ZNF878: variants seen among roughly 807,000 people sequenced by gnomAD.
ZNF878 encodes the protein zinc finger protein 878.
In ZNF878, 10 loss-of-function variants were observed where a neutral mutation model predicts 11.1. That is an observed-to-expected ratio of 0.90 (90% confidence interval 0.56 to 1.53). The LOEUF (loss-of-function observed/expected upper bound fraction) is 1.53. Ranked by LOEUF, ZNF878 falls within the 40% of genes most tolerant of loss-of-function variation. The pLI, the probability that ZNF878 is intolerant of heterozygous loss-of-function variation, is 0.00. For missense variants in ZNF878, 548 were observed against 626.1 expected, an observed-to-expected ratio of 0.88 and a Z score of 1.33; for synonymous variants, 165 against 209.7, an observed-to-expected ratio of 0.79 and a Z score of 1.84.
At chr19:12,051,863 C>A (rs1975555154) in intron 1 of ZNF878, among the ~76,000 whole-genome samples, 1 of 152,138 alleles carries the variant, frequency 6.6e-6, no homozygotes, top group Non-Finnish European at 1.5e-5. Context: ...GCCGAGATGG[C>A]GCCACAGCAC....
At chr19:12,051,006 C>T (rs1021908022) in intron 1 of ZNF878, among the ~76,000 whole-genome samples, 6 of 142,524 alleles carry the variant, frequency 4.2e-5, no homozygotes, top group Non-Finnish European at 9.0e-5. Flanking sequence ...TGAGGCAGGA[C>T]AATGGCGTGA....
chr19:12,046,774 C>T lies in ZNF878; in HGVS notation c.4-14G>A. The stretch of plus-strand genomic sequence containing the variant: ...GGCCACCGAATCCTGAAATATCCCA[C>T]ATGTGGACAGGAGGATGAGTGAGGC... On this transcript the variant is annotated splice_polypyrimidine_tract_variant and intron_variant, in intron 1 of 3. Coordinates refer to ENST00000547628, the MANE Select transcript of ZNF878 (RefSeq NM_001080404.3). 1 of 1,613,620 alleles carries T rather than the reference C, an allele frequency of 6.2e-7. No individual in the cohort carries two copies. The highest frequency in any genetic ancestry group is 8.5e-7 in the Non-Finnish European group (1 of 1,179,742).
intron 1 of ZNF878, among the ~76,000 whole-genome samples, chr19:12,050,203 C>T (rs1002763096): frequency 4.6e-5 from 7 of 151,938 alleles, no homozygotes; most frequent in East Asian, 3.9e-4. Flanking sequence ...CCAGCCTGGG[C>T]GACAGAAAGA....
At chr19:12,048,214 T>G (rs973274631) in intron 1 of ZNF878, among the ~76,000 whole-genome samples, 3 of 152,120 alleles carry the variant, frequency 2.0e-5, no homozygotes, top group Non-Finnish European at 2.9e-5. Flanking sequence ...TACTTTGTGA[T>G]AAAAGAAAAT....
At chr19:12,045,342 A>G (rs917092401) in intron 3 of ZNF878, 133 bp from the exon 4 acceptor site, 2 of 783,340 alleles carry the variant, frequency 2.6e-6, no homozygotes, top group African/African-American at 3.5e-5. Flanking sequence ...AATGGAACAC[A>G]TGCTATACAA....
At position 12,044,685 on chromosome 19, in the gene ZNF878, G is replaced by A. The variant is rs747991787; in HGVS notation, c.716C>T (p.Pro239Leu). 6.2e-7 allele frequency: 1 copy of A among 1,613,812 alleles called. No homozygotes were observed. Among genetic ancestry groups the A allele is most frequent in the Non-Finnish European group, 8.5e-7 (1 of 1,179,962 alleles). The change falls in exon 4 of 4, where the codon CCC (proline) becomes CTC (leucine). Residue 239 changes from proline to leucine, a missense_variant. Coordinates refer to ENST00000547628, the MANE Select transcript of ZNF878 (RefSeq NM_001080404.3). ...CNICGKAFFS[P>L]SSLKRHEKSH... ...TTTCTCGTGTCTTTTTAACGAACTG[G>A]GAGAAAAAAAGGCTTTCCCACATAT...
At chr19:12,043,770 AG>A (rs780368964), downstream of ZNF878, 39 of 1,532,234 alleles carry the variant, frequency 2.5e-5, no homozygotes, top group Non-Finnish European at 3.3e-5. Context: ...GTCCCATCTA[AG>A]GACTTTACCA....
intron 1 of ZNF878, among the ~76,000 whole-genome samples, chr19:12,048,735 G>A (rs531647091): frequency 7.3e-5 from 11 of 149,954 alleles, no homozygotes; most frequent in African/African-American, 1.5e-4. Flanking sequence ...TTGGGGGGCC[G>A]AGGCAGCAGA....
intron 1 of ZNF878, among the ~76,000 whole-genome samples, chr19:12,051,638 G>A (rs1368784954): frequency 6.6e-6 from 1 of 152,116 alleles, no homozygotes; most frequent in Non-Finnish European, 1.5e-5. Context: ...CGGGCGCAGT[G>A]GCTCACGCCT....
rs368980397 is a variant in ZNF878, at chr19:12,044,666, G to A, written c.735C>T (p.His245=). The part of the protein sequence containing the change: ...AFFSPSSLKR[H]EKSHTGEKRY... ...GTTTCTCTCCAGTGTGACTTTTCTC[G>A]TGTCTTTTTAACGAACTGGGAGAAA... The change falls in exon 4 of 4, where the codon CAC becomes CAT. Residue 245 remains histidine (H), a synonymous_variant. Transcript: ENST00000547628. The A allele has an allele frequency of 2.2e-5, 35 of 1,613,634 alleles. No homozygotes were observed. The highest frequency in any genetic ancestry group is 6.7e-5 in the East Asian group (3 of 44,856).
chr19:12,049,415 G>A (rs1423866588), intron 1 of ZNF878, among the ~76,000 whole-genome samples: 1 of 112,134 alleles, frequency 8.9e-6, no homozygotes, highest in African/African-American at 3.5e-5. Flanking sequence ...GAGCAGAGAT[G>A]GTGTCACTGC....
Position 12,043,850 on chromosome 19 carries a change from T to A in ZNF878, c.1551A>T (p.Arg517Ser), listed in dbSNP as rs1233450330. 1 of 1,612,806 alleles carries A rather than the reference T, an allele frequency of 6.2e-7. No homozygotes were observed. Among genetic ancestry groups the A allele is most frequent in the Admixed American group, 1.7e-5 (1 of 59,690 alleles). ...CATGCTTTTGAAGGATTGAGGCAGA[T>A]CTAAAGGCTTTACCACATTGCTTAC... ...YECKQCGKAF[R>S]SASILQKHVR... The change falls in exon 4 of 4, where the codon AGA becomes AGT. Residue 517 changes from arginine to serine, a missense_variant. This residue lies in a region of ZNF878 where 335 missense variants were observed against 358.2 expected (regional missense o/e 0.94). Transcript: ENST00000547628.
At position 12,044,002 on chromosome 19, in the gene ZNF878, G is replaced by A. The variant is rs371032110; in HGVS notation, c.1399C>T (p.Arg467Cys). ...GKAFISSNSI[R>C]YHKRTHTGEK... ...CCAGTGTGAGTCCTTTTATGATAGC[G>A]AATAGAATTAGAAGAAATGAAGGCT... is the stretch of plus-strand genomic sequence containing the variant. The change falls in exon 4 of 4, where the codon CGC becomes TGC. Residue 467 changes from arginine (R) to cysteine (C), a missense_variant. Transcript: ENST00000547628. 7.1e-5 allele frequency: 115 copies of A among 1,610,588 alleles called. 2 individuals carry two copies. The South Asian group carries it at 8.8e-4, about 12-fold the overall frequency.
At chr19:12,046,871 T>C in intron 1 of ZNF878, 111 bp from the exon 2 acceptor site, 1 of 1,472,870 alleles carries the variant, frequency 6.8e-7, no homozygotes, top group Non-Finnish European at 9.2e-7. Context: ...ACTCCAAACA[T>C]TTATTCCATG....
At chr19:12,052,674 C>A in intron 1 of ZNF878, 125 bp downstream of exon 1, 3 of 1,274,954 alleles carry the variant, frequency 2.4e-6, no homozygotes, top group East Asian at 2.7e-5. Context: ...CCGAGCTGCG[C>A]TAGGGGGACT....
At chr19:12,050,430 T>C (rs8100428) in intron 1 of ZNF878, among the ~76,000 whole-genome samples, 8,656 of 152,172 alleles carry the variant, frequency 0.057, 886 homozygotes, top group African/African-American at 0.2. Flanking sequence ...AATTAATCTC[T>C]GATTACATAA....
chr19:12,047,017 G>C (rs1179105853), intron 1 of ZNF878, among the ~76,000 whole-genome samples: 1 of 152,174 alleles, frequency 6.6e-6, no homozygotes, highest in Non-Finnish European at 1.5e-5. Context: ...AGTCCAGGGA[G>C]AAAGTCGTGC....
At position 12,043,883 on chromosome 19, in the gene ZNF878, G is replaced by A. The variant is rs1449580491; in HGVS notation, c.1518C>T (p.Pro506=). The A allele has an allele frequency of 6.2e-7, 1 of 1,614,090 alleles. No homozygotes were observed. ...CTTTACCACATTGCTTACACTCATAGGGTTTCTCTCCAGTATGAATCCTTT... is the reference window on the plus strand; with the variant it reads ...CTTTACCACATTGCTTACACTCATAAGGTTTCTCTCCAGTATGAATCCTTT... ...YHERIHTGEK[P]YECKQCGKAF... is the part of the protein sequence containing the mutation. The change falls in exon 4 of 4, where the codon CCC becomes CCT. Residue 506 remains proline (P), a synonymous_variant. Coordinates refer to ENST00000547628, the MANE Select transcript of ZNF878 (RefSeq NM_001080404.3).
At chr19:12,043,666 C>T (rs1287064036), downstream of ZNF878, 1 of 796,902 alleles carries the variant, frequency 1.3e-6, no homozygotes, top group East Asian at 2.7e-5. Context: ...GTCTCAACCT[C>T]TTCAGCTTAA....
Sources: allele counts gnomAD v4.1 joint callset (sites outside exome capture counted in the v4.1 genomes callset), GRCh38; gene constraint gnomAD v4.1.1; regional missense constraint gnomAD v4.1.1; transcripts MANE v1.5; gene names NCBI Gene and HGNC (gene_info 2026-07-23, HGNC 2026-07-21).